The following STIM2 variants were observed in gnomAD, a reference collection of about 807,000 sequenced individuals.
STIM2 encodes the protein stromal interaction molecule 2.
STIM2 carries 31 observed loss-of-function variants against 85.8 expected under a neutral mutation model. The ratio of observed to expected loss-of-function variants is 0.36; its 90% confidence interval spans 0.27 to 0.49. The LOEUF (loss-of-function observed/expected upper bound fraction) is 0.49. Ranked by LOEUF, STIM2 falls within the 20% of genes least tolerant of loss-of-function variation. STIM2 has a pLI of 0.98. For missense variants in STIM2, 841 were observed against 927.6 expected, an observed-to-expected ratio of 0.91 and a Z score of 1.21; for synonymous variants, 356 against 331.1, an observed-to-expected ratio of 1.08 and a Z score of -0.82.
intron 1 of STIM2, among the ~76,000 whole-genome samples, chr4:26,889,471 A>G (rs569509239): frequency 2.6e-5 from 4 of 152,234 alleles, no homozygotes; most frequent in Non-Finnish European, 5.9e-5. Flanking sequence ...TGGGTTTGGC[A>G]GAATGCTTGC....
At chr4:26,967,076 G>A (rs1307782993) in intron 3 of STIM2, among the ~76,000 whole-genome samples, 2 of 152,126 alleles carry the variant, frequency 1.3e-5, no homozygotes, top group Non-Finnish European at 2.9e-5. Flanking sequence ...TTACTTAATA[G>A]TTTGAAATTA....
intron 2 of STIM2, among the ~76,000 whole-genome samples, chr4:26,933,115 A>C (rs2109075793): frequency 6.6e-6 from 1 of 151,828 alleles, no homozygotes; most frequent in South Asian, 2.1e-4. Context: ...TACCCCGGAT[A>C]TATTAGCGCT....
At chr4:27,006,556 A>G (rs1728366070) in intron 7 of STIM2, among the ~76,000 whole-genome samples, 1 of 152,190 alleles carries the variant, frequency 6.6e-6, no homozygotes, top group African/African-American at 2.4e-5. Flanking sequence ...GTGTCTTTAT[A>G]TATCTTTAGT....
intron 3 of STIM2, among the ~76,000 whole-genome samples, chr4:26,961,673 A>C (rs1452314577): frequency 1.3e-5 from 2 of 152,184 alleles, no homozygotes; most frequent in Non-Finnish European, 2.9e-5. Context: ...TGATTAGCTC[A>C]CTATTATACA....
intron 2 of STIM2, among the ~76,000 whole-genome samples, chr4:26,956,576 A>G (rs1490515271): frequency 4.0e-5 from 6 of 151,580 alleles, no homozygotes; most frequent in Non-Finnish European, 7.4e-5. Context: ...ATCTCTCTCT[A>G]TATTTCAAAG....
chr4:27,018,079 C>T (rs1449568664), intron 11 of STIM2, 95 bp downstream of exon 11: 1 of 1,532,486 alleles, frequency 6.5e-7, no homozygotes, highest in Non-Finnish European at 8.9e-7. Context: ...TTTCCATTTT[C>T]TGTTGCTACA....
intron 1 of STIM2, among the ~76,000 whole-genome samples, chr4:26,864,872 G>A (rs547026401): frequency 6.6e-6 from 1 of 152,278 alleles, no homozygotes; most frequent in South Asian, 2.1e-4. Context: ...CCTCAAATTA[G>A]CATGATTGTC....
intron 3 of STIM2, among the ~76,000 whole-genome samples, chr4:26,992,520 C>T (rs1727802717): frequency 6.6e-6 from 1 of 151,844 alleles, no homozygotes; most frequent in Admixed American, 6.6e-5. Flanking sequence ...ATAGCAAGAC[C>T]CTATCTCTAC....
intron 10 of STIM2, among the ~76,000 whole-genome samples, chr4:27,014,892 T>C (rs1009683378): frequency 1.3e-5 from 2 of 152,000 alleles, no homozygotes; most frequent in African/African-American, 4.8e-5. Context: ...CAGATTTAAC[T>C]GTTCCTTTTA....
intron 3 of STIM2, among the ~76,000 whole-genome samples, chr4:26,963,200 G>GA (rs1413444166): frequency 6.6e-6 from 1 of 151,886 alleles, no homozygotes; most frequent in African/African-American, 2.4e-5. Flanking sequence ...GAAATATAAA[G>GA]AAAAAAATTT....
At chr4:26,955,411 G>A (rs1726209297) in intron 2 of STIM2, among the ~76,000 whole-genome samples, 1 of 147,994 alleles carries the variant, frequency 6.8e-6, no homozygotes, top group Non-Finnish European at 1.5e-5. Context: ...CCAACTGATT[G>A]GACCATTTCC....
intron 1 of STIM2, among the ~76,000 whole-genome samples, chr4:26,904,761 T>C (rs76703081): frequency 1.5e-4 from 22 of 143,122 alleles, no homozygotes; most frequent in African/African-American, 5.1e-4. Flanking sequence ...TGTTTTGTCT[T>C]TTTTTTTTTT....
At chr4:26,872,658 A>G (rs1002452938) in intron 1 of STIM2, among the ~76,000 whole-genome samples, 3 of 152,244 alleles carry the variant, frequency 2.0e-5, no homozygotes, top group Admixed American at 2.0e-4. Flanking sequence ...CAAGCATATG[A>G]TAAGTATTGG....
intron 1 of STIM2, among the ~76,000 whole-genome samples, chr4:26,885,059 T>C (rs2109039480): frequency 6.6e-6 from 1 of 152,282 alleles, no homozygotes; most frequent in South Asian, 2.1e-4. Context: ...TCAGAATGTA[T>C]TGGGTACAGT....
At chr4:26,867,058 CAGTT>C (rs1356914586) in intron 1 of STIM2, among the ~76,000 whole-genome samples, 3 of 151,962 alleles carry the variant, frequency 2.0e-5, no homozygotes, top group East Asian at 1.9e-4. Flanking sequence ...ATAAGGATAT[CAGTT>C]AGGAAACTAT....
intron 1 of STIM2, among the ~76,000 whole-genome samples, chr4:26,895,504 C>T (rs1723666438): frequency 6.6e-6 from 1 of 152,100 alleles, no homozygotes; most frequent in Non-Finnish European, 1.5e-5. Context: ...TATTTTTCTC[C>T]TTTTCCTAAC....
rs185193712 is a variant in STIM2 at position 26,874,397 on chromosome 4, A to T, written c.151+13028A>T. The T allele has an allele frequency of 8.4e-4, 184 of 219,016 alleles. 3 individuals are homozygous for T. In the East Asian group the frequency reaches 0.022, roughly 26 times the overall value. The allele number at this position is 219,016 out of a possible 1,614,324, so 13.6% of individuals were successfully genotyped here. A position where few individuals can be genotyped will look rare whatever the true frequency, so the allele number is the denominator to read the frequency against. On this transcript the variant is annotated intron_variant, in intron 1 of 11. Coordinates refer to ENST00000467087, the MANE Select transcript of STIM2 (RefSeq NM_020860.4). ...TGACCACTAGGGCCCAGCACCCCCAACGTCTGCCCGACGCCAAGTACTGTA... is the reference window on the plus strand; with the variant it reads ...TGACCACTAGGGCCCAGCACCCCCATCGTCTGCCCGACGCCAAGTACTGTA...
At chr4:27,015,465 A>G (rs1728699818) in intron 10 of STIM2, among the ~76,000 whole-genome samples, 1 of 151,744 alleles carries the variant, frequency 6.6e-6, no homozygotes, top group South Asian at 2.1e-4. Flanking sequence ...TCTTAAAAAT[A>G]TGTTCTTCAG....
rs751622285 is a variant in STIM2 at position 27,008,489 on chromosome 4, C to G, written c.1211C>G (p.Ser404Cys). 6.2e-6 allele frequency: 10 copies of G among 1,603,948 alleles called. No homozygotes were observed. Among genetic ancestry groups the G allele is most frequent in the Non-Finnish European group, 8.5e-6 (10 of 1,175,758 alleles). Residue 404 changes from serine to cysteine, a missense_variant, in exon 9 of 12, where the codon TCC becomes TGC. This residue lies in a region of STIM2 where 408 missense variants were observed against 525.4 expected (regional missense o/e 0.78). Coordinates refer to ENST00000467087, the MANE Select transcript of STIM2 (RefSeq NM_020860.4). ...GGGACTCTGCACGTTGCACACAGCT[C>G]CTCCCTAGATGAGGTAGACCACAAA...
Sources: gnomAD v4.1 joint callset for allele counts (sites outside exome capture counted in the v4.1 genomes callset) on GRCh38, gnomAD v4.1.1 for gene constraint, gnomAD v4.1.1 regional missense constraint, MANE v1.5 for transcripts, NCBI Gene and HGNC (gene_info 2026-07-23, HGNC 2026-07-21) for gene names.